PIKFYVE: variants seen among roughly 807,000 people sequenced by gnomAD.
PIKFYVE encodes the protein 1-phosphatidylinositol 3-phosphate 5-kinase.
In PIKFYVE, 122 loss-of-function variants were observed where a neutral mutation model predicts 257.9. That is an observed-to-expected ratio of 0.47 (90% CI 0.41 to 0.55). PIKFYVE has a LOEUF of 0.55. PIKFYVE is among the 20% of genes least tolerant of loss of function. The pLI is 0.00. For missense variants in PIKFYVE, 2,160 were observed against 2,536.6 expected, an observed-to-expected ratio of 0.85 and a Z score of 3.19; for synonymous variants, 892 against 868.9, an observed-to-expected ratio of 1.03 and a Z score of -0.47.
intron 40 of PIKFYVE, 126 bp downstream of exon 40, chr2:208,354,285 A>G (rs112805371): frequency 1.8e-5 from 24 of 1,302,960 alleles, no homozygotes; most frequent in African/African-American, 1.8e-4. Flanking sequence ...TGAAATTTCA[A>G]AAATAAGTTT....
intron 9 of PIKFYVE, 65 bp downstream of exon 9, chr2:208,301,159 A>G (rs775982983): frequency 3.3e-5 from 52 of 1,577,304 alleles, no homozygotes; most frequent in Non-Finnish European, 4.3e-5. Context: ...ATATTTGAAG[A>G]TAGTAAGAGT....
At chr2:208,273,973 A>G in intron 3 of PIKFYVE, 1 of 1,587,854 alleles carries the variant, frequency 6.3e-7, no homozygotes, top group Middle Eastern at 1.7e-4. Flanking sequence ...GGCAAGGCAC[A>G]GATTTCTTGA....
intron 16 of PIKFYVE, among the ~76,000 whole-genome samples, chr2:208,318,788 C>T (rs1432956737): frequency 6.6e-6 from 1 of 151,976 alleles, no homozygotes; most frequent in Non-Finnish European, 1.5e-5. Context: ...CACATCTGTA[C>T]TAAAAATACA....
At chr2:208,272,480 C>T (rs1355823659) in intron 2 of PIKFYVE, among the ~76,000 whole-genome samples, 1 of 152,042 alleles carries the variant, frequency 6.6e-6, no homozygotes, top group Non-Finnish European at 1.5e-5. Flanking sequence ...TTCTTGTTGA[C>T]TTAAAACTGT....
Position 208,352,771 on chromosome 2 carries a change from A to G in PIKFYVE, c.5833A>G (p.Lys1945Glu), listed in dbSNP as rs1176482493. Reference sequence around the variant, plus strand: ...CATGGAAAATCTTTTCTACGGGAGAAAGATGGCACAGGTAAGGGTATTGGA... The same window carrying G: ...CATGGAAAATCTTTTCTACGGGAGAGAGATGGCACAGGTAAGGGTATTGGA... ...LVMENLFYGR[K>E]MAQVFDLKGS... is the part of the protein sequence containing the mutation. The change falls in exon 39 of 42, where the codon AAG (lysine) becomes GAG (glutamate). Residue 1945 changes from lysine to glutamate, a missense_variant. Lys to Glu is a moderately conservative substitution (Grantham distance 56, BLOSUM62 1). Coordinates refer to ENST00000264380, the MANE Select transcript of PIKFYVE (RefSeq NM_015040.4). 6.2e-7 allele frequency: 1 copy of G among 1,613,188 alleles called. No homozygotes were observed. The highest frequency in any genetic ancestry group is 2.2e-5 in the East Asian group (1 of 44,820).
chr2:208,320,417 T>C, intron 17 of PIKFYVE, 58 bp downstream of exon 17: 1 of 1,586,666 alleles, frequency 6.3e-7, no homozygotes, highest in Non-Finnish European at 8.6e-7. Context: ...CCATGATGCT[T>C]ATAAACTCTT....
At chr2:208,291,090 A>C (rs1041277930) in intron 7 of PIKFYVE, among the ~76,000 whole-genome samples, 1 of 152,176 alleles carries the variant, frequency 6.6e-6, no homozygotes, top group African/African-American at 2.4e-5. Flanking sequence ...CTTAGTGGGA[A>C]AGCTTTGAGT....
chr2:208,325,692 A>G lies in PIKFYVE; in HGVS notation c.2881A>G (p.Thr961Ala), dbSNP rs139991374. ...TGTGAAGCATCAAGAACATAGCACA[A>G]CAGCTTGCCCGGCGGGTCTCCCTTG... ...ASVKHQEHSTTACPAGLPCAF... is the reference protein window; with the variant it reads ...ASVKHQEHSTAACPAGLPCAF... The change falls in exon 20 of 42, where the codon ACA becomes GCA. Residue 961 changes from threonine (T) to alanine (A), a missense_variant. This residue lies in a region of PIKFYVE where 522 missense variants were observed against 514.6 expected (regional missense o/e 1.01). Coordinates refer to ENST00000264380, the MANE Select transcript of PIKFYVE (RefSeq NM_015040.4). The G allele has an allele frequency of 6.1e-4, 981 of 1,613,958 alleles. 1 individual carries two copies. Among genetic ancestry groups the G allele is most frequent in the Non-Finnish European group, 7.8e-4 (923 of 1,179,908 alleles).
Position 208,271,662 on chromosome 2 carries a change from CT to C in PIKFYVE, c.147del (p.Phe49LeufsTer2). The C allele has an allele frequency of 6.2e-7, 1 of 1,613,808 alleles. No individual in the cohort carries two copies. The highest frequency in any genetic ancestry group is 8.5e-7 in the Non-Finnish European group (1 of 1,179,808). ...DEPPFKSAYS[S>X]FVNLFRFNKE... ...CCCCCTTTTAAATCAGCTTATAGTTCTTTTGTAAATCTCTTTCGTTTTAACA... is the reference window on the plus strand; with the variant it reads ...CCCCCTTTTAAATCAGCTTATAGTTCTTTGTAAATCTCTTTCGTTTTAACA... On this transcript the variant is annotated frameshift_variant, in exon 2 of 42. Transcript: ENST00000264380. LOFTEE classifies it high-confidence loss of function.
At chr2:208,271,430 T>A (rs1689404921) in intron 1 of PIKFYVE, 81 bp from the exon 2 acceptor site, 7 of 1,301,828 alleles carry the variant, frequency 5.4e-6, no homozygotes, top group Non-Finnish European at 7.8e-6. Flanking sequence ...TAGGATTTTC[T>A]GGATATTTCG....
chr2:208,342,256 T>A (rs1698780440), intron 31 of PIKFYVE, among the ~76,000 whole-genome samples: 2 of 152,326 alleles, frequency 1.3e-5, no homozygotes, highest in Admixed American at 1.3e-4. Context: ...TCTCTCTAGC[T>A]TGTAATGGAA....
chr2:208,290,591 T>G (rs1398632798), intron 7 of PIKFYVE, among the ~76,000 whole-genome samples: 1 of 152,204 alleles, frequency 6.6e-6, no homozygotes, highest in Non-Finnish European at 1.5e-5. Flanking sequence ...GAGTATAGGT[T>G]TTTTTGTGGG....
At chr2:208,324,784 C>A in intron 18 of PIKFYVE, 127 bp from the exon 19 acceptor site, 1 of 1,164,154 alleles carries the variant, frequency 8.6e-7, no homozygotes, top group Non-Finnish European at 1.2e-6. Flanking sequence ...AAAAATTCAT[C>A]ATATATTTAT....
Position 208,345,187 on chromosome 2 carries a change from A to G in PIKFYVE, c.5104A>G (p.Thr1702Ala). The G allele has an allele frequency of 6.2e-7, 1 of 1,606,174 alleles. No homozygotes were observed. The highest frequency in any genetic ancestry group is 8.5e-7 in the Non-Finnish European group (1 of 1,172,980). Residue 1702 changes from threonine (T) to alanine (A), a missense_variant, in exon 33 of 42, where the codon ACA becomes GCA. Around this residue, in one of 12 missense-constraint regions of PIKFYVE, gnomAD observed 699 missense variants for 855.8 expected, o/e 0.82. Transcript: ENST00000264380. Reference protein sequence around the residue: ...QWNSAEEGLPTNSTSDSRPKS... With the variant: ...QWNSAEEGLPANSTSDSRPKS... ...GAACAGTGCCGAAGAAGGGCTTCCA[A>G]CAAATAGGTGATTCATGATTGAGTA...
chr2:208,329,250 T>C (rs1000757363), intron 21 of PIKFYVE, among the ~76,000 whole-genome samples: 19 of 152,190 alleles, frequency 1.2e-4, no homozygotes, highest in Non-Finnish European at 2.4e-4. Flanking sequence ...GAAACACTTA[T>C]TTCCAGCAGT....
At chr2:208,285,612 T>G in intron 5 of PIKFYVE, 114 bp from the exon 6 acceptor site, 1 of 850,800 alleles carries the variant, frequency 1.2e-6, no homozygotes, top group Admixed American at 1.9e-5. Flanking sequence ...TGAAGACATT[T>G]CCGTTATTAG....
intron 24 of PIKFYVE, among the ~76,000 whole-genome samples, 157 bp downstream of exon 24, chr2:208,333,650 G>A (rs1195444359): frequency 6.6e-6 from 1 of 152,058 alleles, no homozygotes; most frequent in African/African-American, 2.4e-5. Flanking sequence ...AGAACTTTCA[G>A]TATTATTTTA....
intron 3 of PIKFYVE, 120 bp from the exon 4 acceptor site, chr2:208,276,592 C>A (rs77581894): frequency 6.4e-6 from 5 of 785,838 alleles, no homozygotes; most frequent in Non-Finnish European, 7.0e-6. Context: ...TTCATATAAC[C>A]GGGTGGGAGA....
chr2:208,351,926 G>A (rs1699811297), intron 38 of PIKFYVE, among the ~76,000 whole-genome samples: 1 of 152,004 alleles, frequency 6.6e-6, no homozygotes, highest in South Asian at 2.1e-4. Context: ...ATTTGCAGGG[G>A]CAAACATCCA....
Sources: allele counts gnomAD v4.1 joint callset (sites outside exome capture counted in the v4.1 genomes callset), GRCh38; gene constraint gnomAD v4.1.1; regional missense constraint gnomAD v4.1.1; transcripts MANE v1.5; gene names NCBI Gene and HGNC (gene_info 2026-07-23, HGNC 2026-07-21).